The following FCHSD2 variants were observed in gnomAD, a reference collection of about 807,000 sequenced individuals.
FCHSD2 encodes the protein F-BAR and double SH3 domains protein 2.
In FCHSD2, 38 loss-of-function variants were observed where a neutral mutation model predicts 108.1. That is an observed-to-expected ratio of 0.35 (90% confidence interval 0.27 to 0.46). The LOEUF (loss-of-function observed/expected upper bound fraction) is 0.46, where lower values mean the gene tolerates loss of function less well. FCHSD2 is among the 20% of genes least tolerant of loss of function. FCHSD2 has a pLI of 1.00. For missense variants in FCHSD2, 751 were observed against 897.8 expected (o/e 0.84, Z 2.09); for synonymous variants, 279 against 314.7 (o/e 0.89, Z 1.20).
At chr11:73,031,335 G>A (rs1858355514) in intron 3 of FCHSD2, among the ~76,000 whole-genome samples, 1 of 152,054 alleles carries the variant, frequency 6.6e-6, no homozygotes, top group South Asian at 2.1e-4. Context: ...AATTAGCCTG[G>A]TGTGGTGGTG....
At chr11:73,124,626 T>C (rs1052170987) in intron 2 of FCHSD2, among the ~76,000 whole-genome samples, 3 of 151,966 alleles carry the variant, frequency 2.0e-5, no homozygotes, top group Non-Finnish European at 1.5e-5. Flanking sequence ...CATGATGGCG[T>C]GTGCCTCTAA....
intron 2 of FCHSD2, among the ~76,000 whole-genome samples, chr11:73,087,436 G>C (rs1228046461): frequency 6.6e-6 from 1 of 151,972 alleles, no homozygotes; most frequent in East Asian, 1.9e-4. Context: ...GCCAGGTGTG[G>C]TGGCTCACCC....
chr11:72,889,920 CCA>C lies in FCHSD2; in HGVS notation c.948_949del (p.Gly317AspfsTer9), dbSNP rs1167001961. ...ATTTAGACTGTGCTCCTCTGTGGTC[CCA>C]GTTTCTGATTCTAACTGTCGGCTCT... is the stretch of plus-strand genomic sequence containing the variant. On this transcript the variant is annotated frameshift_variant, in exon 11 of 20. Coordinates refer to ENST00000409418, the MANE Select transcript of FCHSD2 (RefSeq NM_014824.3). LOFTEE classifies it high-confidence loss of function. 2 of 1,612,146 alleles carry C rather than the reference CCA, an allele frequency of 1.2e-6. No homozygotes were observed. Among genetic ancestry groups the C allele is most frequent in the Non-Finnish European group, 1.7e-6 (2 of 1,178,420 alleles).
At chr11:72,846,335 C>T (rs1861141557) in intron 14 of FCHSD2, among the ~76,000 whole-genome samples, 1 of 152,058 alleles carries the variant, frequency 6.6e-6, no homozygotes, top group African/African-American at 2.4e-5. Context: ...TGCACACCAC[C>T]ATGCCTGGCT....
chr11:73,118,418 A>C (rs2135554816), intron 2 of FCHSD2, among the ~76,000 whole-genome samples: 1 of 152,326 alleles, frequency 6.6e-6, no homozygotes, highest in East Asian at 1.9e-4. Flanking sequence ...TAAACACCAG[A>C]GGAAACCACT....
chr11:72,889,335 C>T (rs1855266145), intron 11 of FCHSD2, among the ~76,000 whole-genome samples: 1 of 152,120 alleles, frequency 6.6e-6, no homozygotes. Flanking sequence ...TCTTCCCCTG[C>T]CCATAATACA....
intron 9 of FCHSD2, among the ~76,000 whole-genome samples, chr11:72,916,965 A>ATTTTT: frequency 8.0e-6 from 1 of 124,504 alleles, no homozygotes; most frequent in African/African-American, 3.2e-5. Flanking sequence ...ATTGAACTTC[A>ATTTTT]TTCTTTTTTT....
At chr11:72,990,857 C>G (rs1392507212) in intron 5 of FCHSD2, among the ~76,000 whole-genome samples, 1 of 151,938 alleles carries the variant, frequency 6.6e-6, no homozygotes, top group African/African-American at 2.4e-5. Context: ...ATAACTAAGA[C>G]CAGAACAGAA....
At chr11:73,053,857 C>T (rs565569863) in intron 3 of FCHSD2, among the ~76,000 whole-genome samples, 77 of 152,186 alleles carry the variant, frequency 5.1e-4, no homozygotes, top group African/African-American at 1.8e-3. Flanking sequence ...TTTTCTTTTT[C>T]CCTATGTATG....
At chr11:73,086,443 C>G (rs1288918871) in intron 2 of FCHSD2, among the ~76,000 whole-genome samples, 2 of 151,876 alleles carry the variant, frequency 1.3e-5, no homozygotes, top group East Asian at 3.9e-4. Context: ...AAAGATCAAT[C>G]TCAAATCAAC....
chr11:73,080,486 A>G (rs1022502041), intron 3 of FCHSD2, among the ~76,000 whole-genome samples: 4 of 152,090 alleles, frequency 2.6e-5, no homozygotes, highest in Admixed American at 6.6e-5. Context: ...AAGTTTAAAT[A>G]TATCATTTAG....
intron 8 of FCHSD2, among the ~76,000 whole-genome samples, chr11:72,936,152 T>A (rs1475344399): frequency 6.6e-6 from 1 of 152,210 alleles, no homozygotes; most frequent in African/African-American, 2.4e-5. Flanking sequence ...GACAGAATCA[T>A]AAGAGTATGG....
chr11:73,141,001 C>T (rs1419319237), intron 1 of FCHSD2, among the ~76,000 whole-genome samples: 1 of 152,198 alleles, frequency 6.6e-6, no homozygotes, highest in Non-Finnish European at 1.5e-5. Context: ...AGGCGTTAGG[C>T]AAATGTTTGC....
intron 3 of FCHSD2, among the ~76,000 whole-genome samples, chr11:73,066,542 T>C (rs531128109): frequency 2.6e-5 from 4 of 152,044 alleles, no homozygotes; most frequent in South Asian, 2.1e-4. Flanking sequence ...GAAACTATCA[T>C]CAGAGTGAAC....
chr11:73,083,614 G>T, intron 3 of FCHSD2, 81 bp downstream of exon 3: 2 of 804,948 alleles, frequency 2.5e-6, no homozygotes, highest in Non-Finnish European at 2.1e-6. Context: ...GGATAATATG[G>T]CTTCTCTCCA....
In FCHSD2 at chr11:72,883,761, T is replaced by C. The variant is rs547866977; in HGVS notation, c.1146+3709A>G. Among the ~76,000 whole-genome samples the C allele has an allele frequency of 6.6e-5, 10 of 152,074 alleles. No homozygotes were observed. The East Asian group carries it at 1.9e-3, about 29-fold the overall frequency. ...GCCTGGGCAACATGGTGAAACCCCA[T>C]CTCTACAAAAAAATAGAAAAATTAG... On this transcript the variant is annotated intron_variant, in intron 12 of 19. Coordinates refer to ENST00000409418, the MANE Select transcript of FCHSD2 (RefSeq NM_014824.3).
In FCHSD2 at chr11:72,891,083, A is replaced by AT. The variant is rs544491019; in HGVS notation, c.925-1139dup. ...AGGTGTGTGTCACCATACTCAGCTCATTTTTTTTTTTCCTTCTAGAGATAA... is the reference window on the plus strand; with the variant it reads ...AGGTGTGTGTCACCATACTCAGCTCATTTTTTTTTTTTCCTTCTAGAGATAA... On this transcript the variant is annotated intron_variant, in intron 10 of 19. Transcript: ENST00000409418. 6.9e-4 allele frequency among the ~76,000 whole-genome samples: 101 copies of AT among 146,044 alleles called. 1 individual carries two copies. In the South Asian group the frequency reaches 0.011, roughly 15 times the overall value.
chr11:73,118,813 T>C (rs755562863), intron 2 of FCHSD2, among the ~76,000 whole-genome samples: 4 of 152,164 alleles, frequency 2.6e-5, no homozygotes, highest in Non-Finnish European at 4.4e-5. Flanking sequence ...ACCATTTCTG[T>C]TTTACAGATG....
intron 3 of FCHSD2, among the ~76,000 whole-genome samples, chr11:73,034,392 A>G (rs1034303557): frequency 6.6e-6 from 1 of 152,240 alleles, no homozygotes; most frequent in African/African-American, 2.4e-5. Context: ...GCACACAAAC[A>G]TGCAAAAACG....
Sources: allele counts gnomAD v4.1 joint callset (sites outside exome capture counted in the v4.1 genomes callset), GRCh38; gene constraint gnomAD v4.1.1; transcripts MANE v1.5; gene names NCBI Gene and HGNC (gene_info 2026-07-23, HGNC 2026-07-21).